Variants in HECW2 observed in about 807,000 individuals in gnomAD.
The protein encoded by HECW2 is HECT, C2 and WW domain containing E3 ubiquitin protein ligase 2.
A neutral mutation model predicts 175.2 loss-of-function variants in HECW2; 61 were observed. The ratio of observed to expected loss-of-function variants is 0.35; its 90% CI spans 0.28 to 0.43. The LOEUF is 0.43. Among genes scored for constraint, HECW2 ranks in the 20% least tolerant of loss-of-function variants. HECW2 has a pLI of 1.00. For missense variants in HECW2, 1,524 were observed against 2,000.5 expected, an observed-to-expected ratio of 0.76 and a Z score of 4.54; for synonymous variants, 671 against 731.0, an observed-to-expected ratio of 0.92 and a Z score of 1.32.
chr2:196,462,110 TCATAA>T (rs1466305595), intron 1 of HECW2, among the ~76,000 whole-genome samples: 3 of 152,114 alleles, frequency 2.0e-5, no homozygotes, highest in Admixed American at 6.5e-5. Context: ...TTTTTCCTCT[TCATAA>T]CATAATTTGA....
At chr2:196,531,053 T>C (rs1486016809) in intron 1 of HECW2, among the ~76,000 whole-genome samples, 2 of 152,220 alleles carry the variant, frequency 1.3e-5, no homozygotes, top group Non-Finnish European at 2.9e-5. Context: ...CCATTTCCCT[T>C]GATATGTATT....
chr2:196,392,241 C>G (rs1694534144), intron 2 of HECW2, among the ~76,000 whole-genome samples: 1 of 152,106 alleles, frequency 6.6e-6, no homozygotes, highest in Admixed American at 6.5e-5. Flanking sequence ...TCATCTCTTG[C>G]CCATGCCCAA....
intron 21 of HECW2, among the ~76,000 whole-genome samples, chr2:196,233,672 C>T (rs1248367987): frequency 2.6e-5 from 4 of 152,100 alleles, no homozygotes; most frequent in Non-Finnish European, 4.4e-5. Flanking sequence ...CAGGTGCTAC[C>T]AAACCAAAGC....
intron 2 of HECW2, chr2:196,362,172 C>T (rs1693608629): frequency 1.0e-6 from 1 of 985,304 alleles, no homozygotes. Flanking sequence ...TCCAGGCATC[C>T]TAAGTGAAAA....
chr2:196,495,694 G>A (rs902190738), intron 1 of HECW2, among the ~76,000 whole-genome samples: 2 of 152,210 alleles, frequency 1.3e-5, no homozygotes, highest in African/African-American at 2.4e-5. Flanking sequence ...CTCACTAGCT[G>A]TATGACTTTG....
At chr2:196,377,004 A>T (rs1223729911) in intron 2 of HECW2, among the ~76,000 whole-genome samples, 1 of 152,230 alleles carries the variant, frequency 6.6e-6, no homozygotes, top group Non-Finnish European at 1.5e-5. Flanking sequence ...TGGGGGAAAA[A>T]ACATAGAGTT....
At chr2:196,325,816 T>C (rs1692129404) in intron 5 of HECW2, among the ~76,000 whole-genome samples, 1 of 152,204 alleles carries the variant, frequency 6.6e-6, no homozygotes, top group African/African-American at 2.4e-5. Flanking sequence ...ACTTAAATAT[T>C]TGAAGAATGT....
Position 196,350,756 on chromosome 2 carries a change from T to G in HECW2, c.293-6992A>C, listed in dbSNP as rs923015861. On this transcript the variant is annotated intron_variant, in intron 2 of 28. Coordinates refer to ENST00000644978, the MANE Select transcript of HECW2 (RefSeq NM_001348768.2). ...TAAGGAGCTGACGGGATAAGGCACA[T>G]AGATATATAATGCAATGCGAAAATT... 3.4e-5 allele frequency among the ~76,000 whole-genome samples: 5 copies of G among 148,364 alleles called. No individual in the cohort carries two copies. The South Asian group carries it at 1.0e-3, about 31-fold the overall frequency.
intron 1 of HECW2, among the ~76,000 whole-genome samples, chr2:196,479,638 G>C (rs1028470572): frequency 4.6e-5 from 7 of 152,166 alleles, no homozygotes; most frequent in African/African-American, 1.7e-4. Context: ...ATTACACTGT[G>C]TTAACACAGT....
At chr2:196,357,796 T>A (rs888903812) in intron 2 of HECW2, among the ~76,000 whole-genome samples, 2 of 152,124 alleles carry the variant, frequency 1.3e-5, no homozygotes, top group South Asian at 4.1e-4. Flanking sequence ...TTTGCTCACT[T>A]CTCTCTCCTG....
chr2:196,249,440 T>C (rs1255284062), intron 19 of HECW2, among the ~76,000 whole-genome samples: 2 of 136,434 alleles, frequency 1.5e-5, no homozygotes, highest in South Asian at 5.3e-4. Context: ...TGAAAATACA[T>C]GTCAACGTGC....
intron 1 of HECW2, among the ~76,000 whole-genome samples, chr2:196,456,946 G>A (rs1696536043): frequency 6.6e-6 from 1 of 152,132 alleles, no homozygotes; most frequent in Non-Finnish European, 1.5e-5. Context: ...TCATTTGGAA[G>A]AGCCAAAAGA....
At chr2:196,445,986 C>T (rs767706414) in intron 1 of HECW2, among the ~76,000 whole-genome samples, 6 of 152,188 alleles carry the variant, frequency 3.9e-5, no homozygotes, top group Non-Finnish European at 8.8e-5. Context: ...TGACCCTGTT[C>T]AGATGTTAGA....
chr2:196,552,518 A>G (rs1409998733), intron 1 of HECW2, among the ~76,000 whole-genome samples: 2 of 152,204 alleles, frequency 1.3e-5, no homozygotes, highest in Non-Finnish European at 2.9e-5. Context: ...TCCATTAGCA[A>G]AGAAGCCTTA....
At chr2:196,523,909 T>C (rs965899967) in intron 1 of HECW2, among the ~76,000 whole-genome samples, 21 of 152,342 alleles carry the variant, frequency 1.4e-4, no homozygotes, top group African/African-American at 4.6e-4. Flanking sequence ...TGCATGAATG[T>C]TCATCAAGGA....
At chr2:196,319,934 T>C (rs1691878173) in intron 8 of HECW2, 30 bp from the exon 9 acceptor site, 3 of 1,544,774 alleles carry the variant, frequency 1.9e-6, no homozygotes, top group Non-Finnish European at 2.6e-6. Context: ...TTCTAAAAAA[T>C]TAACCAGAAA....
At chr2:196,526,479 G>A (rs1042090600) in intron 1 of HECW2, among the ~76,000 whole-genome samples, 5 of 152,086 alleles carry the variant, frequency 3.3e-5, no homozygotes, top group East Asian at 3.9e-4. Context: ...CTCTCAGCTC[G>A]TCAACGTCAT....
intron 1 of HECW2, among the ~76,000 whole-genome samples, chr2:196,440,758 A>G (rs1008029863): frequency 2.6e-5 from 4 of 152,220 alleles, no homozygotes; most frequent in Non-Finnish European, 5.9e-5. Flanking sequence ...CGGCAAGGGA[A>G]GCAGGTTAAT....
At chr2:196,415,877 G>A (rs780580411) in intron 2 of HECW2, among the ~76,000 whole-genome samples, 22 of 152,206 alleles carry the variant, frequency 1.4e-4, no homozygotes, top group South Asian at 8.3e-4. Flanking sequence ...GTATCAAAGG[G>A]TGTTGGGAGT....
Sources: allele counts gnomAD v4.1 joint callset (sites outside exome capture counted in the v4.1 genomes callset), GRCh38; gene constraint gnomAD v4.1.1; transcripts MANE v1.5; gene names NCBI Gene and HGNC (gene_info 2026-07-23, HGNC 2026-07-21).